The following ATP11B variants were observed in gnomAD, a reference collection of about 807,000 sequenced individuals.
ATP11B encodes the protein phospholipid-transporting ATPase IF.
ATP11B carries 81 observed loss-of-function variants against 157.8 expected under a neutral mutation model. That is an observed-to-expected ratio of 0.51 (90% CI 0.43 to 0.62). The LOEUF (loss-of-function observed/expected upper bound fraction) is 0.62, where lower values mean the gene tolerates loss of function less well. Among genes scored for constraint, ATP11B ranks in the 20% least tolerant of loss-of-function variants. The pLI, the probability that ATP11B is intolerant of heterozygous loss-of-function variation, is 0.00. For synonymous variants in ATP11B, 451 were observed against 469.4 expected, an observed-to-expected ratio of 0.96 and a Z score of 0.51; for missense variants, 1,165 against 1,402.2, an observed-to-expected ratio of 0.83 and a Z score of 2.70.
intron 1 of ATP11B, among the ~76,000 whole-genome samples, chr3:182,796,503 TATTGGCTGCC>T (rs909472461): frequency 6.6e-6 from 1 of 152,244 alleles, no homozygotes; most frequent in Admixed American, 6.5e-5. Flanking sequence ...TTCATGTGTC[TATTGGCTGCC>T]ATTGGCTGCC....
chr3:182,884,737 G>A lies in ATP11B; in HGVS notation c.2510-16G>A. On this transcript the variant is annotated splice_polypyrimidine_tract_variant and intron_variant, in intron 21 of 29. Transcript: ENST00000323116. ...ACAGTTATCAGTGAACATGTCTTTT[G>A]TCCCTTTTATTATAGGAATCATGGG... 6.3e-7 allele frequency: 1 copy of A among 1,582,068 alleles called. No homozygotes were observed. The highest frequency in any genetic ancestry group is 8.5e-7 in the Non-Finnish European group (1 of 1,171,488).
intron 12 of ATP11B, among the ~76,000 whole-genome samples, chr3:182,860,046 A>T (rs558975500): frequency 5.0e-4 from 75 of 149,582 alleles, no homozygotes; most frequent in Middle Eastern, 3.5e-3. Context: ...CTCAGCTGTC[A>T]CTCTGGACTT....
At chr3:182,896,891 G>T in intron 26 of ATP11B, 126 bp downstream of exon 26, 33 of 676,486 alleles carry the variant, frequency 4.9e-5, no homozygotes, top group South Asian at 1.1e-4. Context: ...TAATTTCACT[G>T]GTTACTATTT....
chr3:182,874,836 A>G (rs1472706842), intron 19 of ATP11B, among the ~76,000 whole-genome samples: 2 of 152,128 alleles, frequency 1.3e-5, no homozygotes, highest in African/African-American at 4.8e-5. Flanking sequence ...CTACATTTTT[A>G]TCTTAGTGAA....
chr3:182,831,473 T>TCACC (rs1416812146), intron 4 of ATP11B, among the ~76,000 whole-genome samples: 12 of 152,128 alleles, frequency 7.9e-5, no homozygotes. Flanking sequence ...TACTGAACAG[T>TCACC]AGCTTTGCAT....
intron 4 of ATP11B, among the ~76,000 whole-genome samples, chr3:182,830,433 A>G (rs888823502): frequency 6.6e-6 from 1 of 152,226 alleles, no homozygotes; most frequent in East Asian, 1.9e-4. Context: ...CAGAGCATGA[A>G]TTGACATTAA....
rs1715381189 is a variant in ATP11B, at chr3:182,793,594, G to C, written c.-166G>C. 1 of 390,644 alleles carries C rather than the reference G, an allele frequency of 2.6e-6. No individual in the cohort carries two copies. Among genetic ancestry groups the C allele is most frequent in the African/African-American group, 2.1e-5 (1 of 47,356 alleles). The allele number at this position is 390,644 out of a possible 1,614,324, so 24.2% of individuals were successfully genotyped here. A position where few individuals can be genotyped will look rare whatever the true frequency, so the allele number is the denominator to read the frequency against. On this transcript the variant is annotated 5_prime_UTR_variant, in exon 1 of 30. Transcript: ENST00000323116. ...CGCGCCTGTAGGACTCGGGGCCGACGCCGCGGGATGGGGACGCGGCGCGGG... is the reference window on the plus strand; with the variant it reads ...CGCGCCTGTAGGACTCGGGGCCGACCCCGCGGGATGGGGACGCGGCGCGGG...
chr3:182,903,056 A>G (rs970979431), intron 28 of ATP11B, among the ~76,000 whole-genome samples: 3 of 152,120 alleles, frequency 2.0e-5, no homozygotes, highest in Non-Finnish European at 4.4e-5. Flanking sequence ...TAGTGCATCT[A>G]TAAATCGAAC....
chr3:182,818,241 A>G (rs1717086685), intron 1 of ATP11B, among the ~76,000 whole-genome samples: 2 of 152,214 alleles, frequency 1.3e-5, no homozygotes, highest in African/African-American at 4.8e-5. Context: ...TTATAGGTAA[A>G]CTTCCTGTGA....
At chr3:182,915,823 A>T in intron 29 of ATP11B, 1 of 977,804 alleles carries the variant, frequency 1.0e-6, no homozygotes, top group East Asian at 1.1e-4. Context: ...ATTATCATCT[A>T]TACTTCTTTT....
intron 29 of ATP11B, 80 bp downstream of exon 29, chr3:182,914,074 T>C: frequency 6.4e-7 from 1 of 1,568,450 alleles, no homozygotes; most frequent in Middle Eastern, 2.0e-4. Context: ...TCTAGATACC[T>C]AATAAATCAG....
chr3:182,803,708 A>T (rs1455085056), intron 1 of ATP11B, among the ~76,000 whole-genome samples: 4 of 152,232 alleles, frequency 2.6e-5, no homozygotes, highest in African/African-American at 9.6e-5. Context: ...TTTCTCCCGT[A>T]TAGAAAGTTG....
At position 182,897,346 on chromosome 3, in the gene ATP11B, T is replaced by A; in HGVS notation, c.3092T>A (p.Val1031Asp). 6.3e-7 allele frequency: 1 copy of A among 1,590,390 alleles called. No individual in the cohort carries two copies. The highest frequency in any genetic ancestry group is 8.5e-7 in the Non-Finnish European group (1 of 1,173,224). Reference sequence around the variant, plus strand: ...TTTTGGACTTGGATCAACCATCTCGTTACCTGGGGATCTATTATATTTTAT... The same window carrying A: ...TTTTGGACTTGGATCAACCATCTCGATACCTGGGGATCTATTATATTTTAT... Reference protein sequence around the residue: ...THFWTWINHLVTWGSIIFYFV... With the variant: ...THFWTWINHLDTWGSIIFYFV... Residue 1031 changes from valine to aspartate, a missense_variant, in exon 27 of 30, where the codon GTT (valine) becomes GAT (aspartate). Around this residue, in one of 4 missense-constraint regions of ATP11B, gnomAD observed 303 missense variants for 296.3 expected, o/e 1.02. Coordinates refer to ENST00000323116, the MANE Select transcript of ATP11B (RefSeq NM_014616.3).
intron 4 of ATP11B, among the ~76,000 whole-genome samples, chr3:182,833,372 C>G (rs1237244273): frequency 6.6e-6 from 1 of 152,198 alleles, no homozygotes; most frequent in Non-Finnish European, 1.5e-5. Context: ...GTTGTCCAGG[C>G]TGGAGAGCAG....
intron 21 of ATP11B, among the ~76,000 whole-genome samples, chr3:182,881,459 T>C (rs570328201): frequency 2.5e-3 from 376 of 151,132 alleles, no homozygotes; most frequent in Non-Finnish European, 4.1e-3. Context: ...GGAGAATTGC[T>C]TGAACCCGGG....
intron 25 of ATP11B, among the ~76,000 whole-genome samples, chr3:182,895,141 A>G (rs1723455882): frequency 6.7e-6 from 1 of 149,668 alleles, no homozygotes; most frequent in African/African-American, 2.5e-5. Context: ...AAAAAAGGAA[A>G]GTATCTGTGT....
At position 182,911,279 on chromosome 3, in the gene ATP11B, C is replaced by G. The variant is rs1413755737; in HGVS notation, c.3319-2582C>G. 4.8e-5 allele frequency among the ~76,000 whole-genome samples: 6 copies of G among 125,876 alleles called. 1 individual carries two copies. The South Asian group carries it at 1.2e-3, about 25-fold the overall frequency. The allele number at this position is 125,876 out of a possible 152,430, so 82.6% of individuals were successfully genotyped here. A position where few individuals can be genotyped will look rare whatever the true frequency, so the allele number is the denominator to read the frequency against. The stretch of plus-strand genomic sequence containing the variant: ...TCTCCTGCTATTGAAATGCCCCCCC[C>G]CGCTAAGTCCTTTAAGATGTATTTT... On this transcript the variant is annotated intron_variant, in intron 28 of 29. Transcript: ENST00000323116.
intron 25 of ATP11B, among the ~76,000 whole-genome samples, chr3:182,893,384 C>T (rs576155061): frequency 2.0e-5 from 3 of 152,232 alleles, no homozygotes; most frequent in African/African-American, 7.2e-5. Flanking sequence ...TTGTCTCATT[C>T]ATATGCCTTT....
chr3:182,844,434 G>A (rs1438182855), intron 8 of ATP11B: 1 of 374,708 alleles, frequency 2.7e-6, no homozygotes, highest in Non-Finnish European at 3.7e-6. Flanking sequence ...ATAAGGAATA[G>A]CAACAAAATA....
Sources: allele counts gnomAD v4.1 joint callset (sites outside exome capture counted in the v4.1 genomes callset), GRCh38; gene constraint gnomAD v4.1.1; regional missense constraint gnomAD v4.1.1; transcripts MANE v1.5; gene names NCBI Gene and HGNC (gene_info 2026-07-23, HGNC 2026-07-21).